MNAT1: variants seen among roughly 807,000 people sequenced by gnomAD.
MNAT1 encodes the protein MNAT1 component of CDK activating kinase.
Under a neutral mutation model 42.0 loss-of-function variants are expected in MNAT1, and 43 were observed. The ratio of observed to expected loss-of-function variants is 1.02; its 90% CI spans 0.80 to 1.32. MNAT1 has a LOEUF of 1.32. Ranked by LOEUF, MNAT1 falls within the 40% of genes most tolerant of loss-of-function variation. The pLI is 0.00. For synonymous variants in MNAT1, 118 were observed against 120.0 expected, an observed-to-expected ratio of 0.98 and a Z score of 0.11; for missense variants, 306 against 350.4, an observed-to-expected ratio of 0.87 and a Z score of 1.01.
At chr14:60,935,678 C>A (rs911014193) in intron 7 of MNAT1, among the ~76,000 whole-genome samples, 1 of 151,892 alleles carries the variant, frequency 6.6e-6, no homozygotes, top group African/African-American at 2.4e-5. Context: ...TGGAGAAATG[C>A]CAGGAATAAG....
chr14:60,955,642 C>T (rs758711631), intron 7 of MNAT1, among the ~76,000 whole-genome samples: 1 of 152,162 alleles, frequency 6.6e-6, no homozygotes, highest in Non-Finnish European at 1.5e-5. Context: ...ACCTGGGCAA[C>T]AAGAACAAAA....
chr14:60,839,157 C>T (rs2033477682), intron 6 of MNAT1, among the ~76,000 whole-genome samples: 1 of 152,166 alleles, frequency 6.6e-6, no homozygotes, highest in African/African-American at 2.4e-5. Context: ...GGGGCCTGGC[C>T]TGTCAGTTCT....
intron 7 of MNAT1, among the ~76,000 whole-genome samples, chr14:60,935,301 A>G (rs572162943): frequency 8.5e-4 from 117 of 137,734 alleles, no homozygotes; most frequent in South Asian, 6.1e-3. Context: ...TCCCTCATCT[A>G]CCTACCTAGC....
At chr14:60,779,209 T>C (rs1048270375) in intron 1 of MNAT1, among the ~76,000 whole-genome samples, 2 of 152,212 alleles carry the variant, frequency 1.3e-5, no homozygotes, top group African/African-American at 4.8e-5. Flanking sequence ...TCCGCTGATA[T>C]GTCTCATGGT....
At chr14:60,909,464 A>G (rs1456495216) in intron 7 of MNAT1, among the ~76,000 whole-genome samples, 2 of 152,170 alleles carry the variant, frequency 1.3e-5, no homozygotes, top group African/African-American at 4.8e-5. Context: ...TAGATCTAAC[A>G]TATAAGTCTT....
chr14:60,759,841 A>G (rs2140298956), intron 1 of MNAT1, among the ~76,000 whole-genome samples: 1 of 152,356 alleles, frequency 6.6e-6, no homozygotes, highest in Admixed American at 6.5e-5. Context: ...ATAAAATCAT[A>G]TCTAGCCTTA....
intron 7 of MNAT1, among the ~76,000 whole-genome samples, chr14:60,933,474 G>C (rs150117359): frequency 5.3e-4 from 81 of 152,140 alleles, no homozygotes; most frequent in African/African-American, 1.9e-3. Flanking sequence ...GATTTTATTT[G>C]TGCTCTTAAC....
At chr14:60,754,693 A>G (rs1046350901) in intron 1 of MNAT1, among the ~76,000 whole-genome samples, 5 of 152,194 alleles carry the variant, frequency 3.3e-5, no homozygotes, top group Non-Finnish European at 7.3e-5. Flanking sequence ...AGCCATTGTC[A>G]TTAGAGAAGT....
At chr14:60,895,234 T>C (rs144180864) in intron 7 of MNAT1, among the ~76,000 whole-genome samples, 2 of 152,352 alleles carry the variant, frequency 1.3e-5, no homozygotes, top group Non-Finnish European at 2.9e-5. Context: ...TATCTGAAGC[T>C]ATCTGCTTTC....
intron 1 of MNAT1, among the ~76,000 whole-genome samples, chr14:60,784,418 A>T (rs1041521758): frequency 1.3e-5 from 2 of 150,748 alleles, no homozygotes; most frequent in African/African-American, 4.9e-5. Context: ...GACTTAAATG[A>T]TCCTCCTGCT....
At chr14:60,927,038 G>C (rs1036930008) in intron 7 of MNAT1, among the ~76,000 whole-genome samples, 2 of 152,198 alleles carry the variant, frequency 1.3e-5, no homozygotes, top group East Asian at 1.9e-4. Context: ...CTATCTATAA[G>C]TTTATTAGCC....
intron 7 of MNAT1, among the ~76,000 whole-genome samples, chr14:60,914,675 A>G (rs1322776006): frequency 6.6e-6 from 1 of 152,096 alleles, no homozygotes; most frequent in African/African-American, 2.4e-5. Flanking sequence ...AATTATCTTA[A>G]TTTAGTCATA....
chr14:60,754,524 T>A (rs79456231), intron 1 of MNAT1, among the ~76,000 whole-genome samples: 8 of 152,030 alleles, frequency 5.3e-5, no homozygotes, highest in Admixed American at 5.2e-4. Context: ...ATTTTTTTTT[T>A]ATTTTTAGTA....
At chr14:60,860,469 C>T (rs935864773) in intron 6 of MNAT1, among the ~76,000 whole-genome samples, 3 of 150,170 alleles carry the variant, frequency 2.0e-5, no homozygotes, top group Non-Finnish European at 4.4e-5. Context: ...TCTCTTGTCT[C>T]AGCCTTCTGA....
intron 7 of MNAT1, among the ~76,000 whole-genome samples, chr14:60,952,817 A>G (rs1271101725): frequency 6.6e-6 from 1 of 152,230 alleles, no homozygotes; most frequent in Non-Finnish European, 1.5e-5. Context: ...AAATGAAGCC[A>G]TACATTTCAG....
chr14:60,911,934 CATT>C (rs2035377663), intron 7 of MNAT1, among the ~76,000 whole-genome samples: 1 of 151,918 alleles, frequency 6.6e-6, no homozygotes, highest in Non-Finnish European at 1.5e-5. Flanking sequence ...TAAAGTCTCC[CATT>C]ATTATTGTGT....
intron 7 of MNAT1, among the ~76,000 whole-genome samples, chr14:60,956,630 T>C (rs987611060): frequency 6.6e-6 from 1 of 152,360 alleles, no homozygotes; most frequent in Non-Finnish European, 1.5e-5. Flanking sequence ...TATTGCTGTC[T>C]ATTTCTCCCT....
intron 6 of MNAT1, among the ~76,000 whole-genome samples, chr14:60,869,060 G>A (rs1208283692): frequency 2.6e-5 from 2 of 76,310 alleles, no homozygotes; most frequent in African/African-American, 9.6e-5. Context: ...TTTTTTTTGA[G>A]ACGGAGTCTC....
intron 7 of MNAT1, among the ~76,000 whole-genome samples, chr14:60,886,034 A>G (rs986664601): frequency 6.6e-6 from 1 of 151,890 alleles, no homozygotes; most frequent in Non-Finnish European, 1.5e-5. Context: ...TTTCCATTGT[A>G]TGTTTTCATG....
Sources: allele counts gnomAD v4.1 joint callset (sites outside exome capture counted in the v4.1 genomes callset), GRCh38; gene constraint gnomAD v4.1.1; transcripts MANE v1.5; gene names NCBI Gene and HGNC (gene_info 2026-07-23, HGNC 2026-07-21).